HERC1: variants seen among roughly 807,000 people sequenced by gnomAD.
HERC1 encodes the protein probable E3 ubiquitin-protein ligase HERC1.
In HERC1, 160 loss-of-function variants were observed where a neutral mutation model predicts 554.3. The ratio of observed to expected loss-of-function variants is 0.29; its 90% confidence interval spans 0.25 to 0.33. HERC1 has a LOEUF of 0.33. Ranked by LOEUF, HERC1 falls within the 10% of genes least tolerant of loss-of-function variation. The probability of loss-of-function intolerance (pLI) is 1.00; values close to 1 mark genes in which losing one functional copy is unlikely to be tolerated. For missense variants in HERC1, 4,919 were observed against 5,918.5 expected (o/e 0.83, Z 5.54); for synonymous variants, 2,175 against 2,131.7 (o/e 1.02, Z -0.56).
Position 63,662,278 on chromosome 15 carries a change from A to C in HERC1, c.8902-257T>G, listed in dbSNP as rs535826964. ...AGTATCCTACTGAGAAGAGTTAATG[A>C]ACATGACAATCTGTCCTATCTCAAA... On this transcript the variant is annotated intron_variant, in intron 44 of 77. Coordinates refer to ENST00000443617, the MANE Select transcript of HERC1 (RefSeq NM_003922.4). Among the ~76,000 whole-genome samples the C allele has an allele frequency of 1.0e-3, 155 of 152,306 alleles. 2 individuals are homozygous for C. In the South Asian group the frequency reaches 0.027, roughly 27 times the overall value.
At chr15:63,634,559 T>C (rs1383111060) in intron 66 of HERC1, among the ~76,000 whole-genome samples, 174 bp downstream of exon 66, 1 of 152,224 alleles carries the variant, frequency 6.6e-6, no homozygotes, top group East Asian at 1.9e-4. Flanking sequence ...TTAAATTGAC[T>C]TAAAATATGA....
intron 1 of HERC1, among the ~76,000 whole-genome samples, chr15:63,829,380 G>A (rs556506896): frequency 2.0e-5 from 3 of 151,082 alleles, no homozygotes; most frequent in South Asian, 2.1e-4. Context: ...CTATGATCAC[G>A]CCACGGCACT....
At position 63,666,124 on chromosome 15, in the gene HERC1, T is replaced by C; in HGVS notation, c.8350A>G (p.Asn2784Asp). 1.2e-6 allele frequency: 2 copies of C among 1,613,688 alleles called. No individual in the cohort carries two copies. The highest frequency in any genetic ancestry group is 1.7e-6 in the Non-Finnish European group (2 of 1,179,722). Reference sequence around the variant, plus strand: ...ATCCACATGGCAAGGACAGTGATATTCTGGGCATCAGCCTCTCCCCTAGCA... The same window carrying C: ...ATCCACATGGCAAGGACAGTGATATCCTGGGCATCAGCCTCTCCCCTAGCA... ...TGARGEADAQ[N>D]ITVLAMWMIE... The change falls in exon 42 of 78, where the codon AAT becomes GAT. Residue 2784 changes from asparagine (N) to aspartate (D), a missense_variant. By Grantham distance (23) the Asn-to-Asp change is conservative. Coordinates refer to ENST00000443617, the MANE Select transcript of HERC1 (RefSeq NM_003922.4).
chr15:63,610,713 A>C (rs1478215878), intron 77 of HERC1, among the ~76,000 whole-genome samples: 2 of 152,248 alleles, frequency 1.3e-5, no homozygotes, highest in Admixed American at 6.5e-5. Context: ...AGGGAGGAAT[A>C]GCTTTGGCTA....
At chr15:63,759,434 GGC>G (rs1179684356) in intron 3 of HERC1, among the ~76,000 whole-genome samples, 1 of 152,144 alleles carries the variant, frequency 6.6e-6, no homozygotes, top group African/African-American at 2.4e-5. Flanking sequence ...GACCCAGAGT[GGC>G]CATCCCAGTA....
chr15:63,795,065 C>CAAAA (rs1177647525), intron 1 of HERC1, among the ~76,000 whole-genome samples: 707 of 68,816 alleles, frequency 0.01, 17 homozygotes, highest in Non-Finnish European at 0.013. Context: ...GACTCTGTCT[C>CAAAA]AAAAAAAAAA....
Position 63,612,627 on chromosome 15 carries a change from C to T in HERC1, c.14095-71G>A. On this transcript the variant is annotated intron_variant, in intron 76 of 77. Transcript: ENST00000443617. The surrounding 1 kb of genome is among the most constrained non-coding windows in gnomAD (Gnocchi z 5.0). ...GGCACCCACCAAGGGCCCTGTGGGG[C>T]TAGGCGCCTCCTGATGCCTGCTCGT... 1 of 1,475,972 alleles carries T rather than the reference C, an allele frequency of 6.8e-7. No homozygotes were observed. The highest frequency in any genetic ancestry group is 9.2e-7 in the Non-Finnish European group (1 of 1,084,812). 91.4% of individuals were successfully genotyped at this position (1,475,972 alleles called of 1,614,324 possible).
At chr15:63,776,231 G>A (rs1643301375) in intron 1 of HERC1, among the ~76,000 whole-genome samples, 1 of 151,890 alleles carries the variant, frequency 6.6e-6, no homozygotes, top group Non-Finnish European at 1.5e-5. Context: ...CCTCCACATG[G>A]CTATCTAACA....
intron 57 of HERC1, 52 bp from the exon 58 acceptor site, chr15:63,643,602 T>A: frequency 7.4e-7 from 1 of 1,352,110 alleles, no homozygotes; most frequent in Non-Finnish European, 1.0e-6. Context: ...ATTATATAAG[T>A]TCAAGATTTA....
In HERC1 at chr15:63,690,533, A is replaced by G. The variant is rs768082075; in HGVS notation, c.5937+8T>C. The G allele has an allele frequency of 6.3e-7, 1 of 1,576,868 alleles. No homozygotes were observed. Among genetic ancestry groups the G allele is most frequent in the Non-Finnish European group, 8.7e-7 (1 of 1,154,150 alleles). On this transcript the variant is annotated splice_region_variant and intron_variant, in intron 32 of 77. Transcript: ENST00000443617. ...AAAACATCTTCTAATAATTTTAAAA[A>G]TAAAAACCTGGGCCATTTGATCATC...
chr15:63,697,840 T>A (rs183813645), intron 26 of HERC1, among the ~76,000 whole-genome samples: 2 of 152,308 alleles, frequency 1.3e-5, no homozygotes, highest in Non-Finnish European at 2.9e-5. Context: ...AGCCTATTTG[T>A]TAGAAGCAAG....
intron 2 of HERC1, among the ~76,000 whole-genome samples, chr15:63,767,239 GCAAT>G (rs1479675488): frequency 6.6e-6 from 1 of 151,032 alleles, no homozygotes; most frequent in African/African-American, 2.4e-5. Flanking sequence ...CTGACCTCAG[GCAAT>G]CCACCCGTCT....
At chr15:63,828,183 T>C (rs1449334226) in intron 1 of HERC1, among the ~76,000 whole-genome samples, 1 of 152,124 alleles carries the variant, frequency 6.6e-6, no homozygotes, top group African/African-American at 2.4e-5. Flanking sequence ...CACCCACATA[T>C]ATTTTCATTT....
chr15:63,798,097 T>C (rs62020828), intron 1 of HERC1, among the ~76,000 whole-genome samples: 39,474 of 151,606 alleles, frequency 0.26, 5,648 homozygotes, highest in Middle Eastern at 0.38. Flanking sequence ...AAAGCACTTA[T>C]TTTAGAGAAG....
chr15:63,809,154 G>C (rs1455249479), intron 1 of HERC1, among the ~76,000 whole-genome samples: 1 of 152,174 alleles, frequency 6.6e-6, no homozygotes, highest in Non-Finnish European at 1.5e-5. Flanking sequence ...AAAAGAAATA[G>C]GGATGGAGGG....
chr15:63,740,836 ATC>A (rs2074768935), intron 12 of HERC1, among the ~76,000 whole-genome samples: 1 of 152,136 alleles, frequency 6.6e-6, no homozygotes, highest in African/African-American at 2.4e-5. Flanking sequence ...ACCTCATCAG[ATC>A]TATGACTTAC....
At chr15:63,830,886 G>A (rs1251264112) in intron 1 of HERC1, among the ~76,000 whole-genome samples, 1 of 152,072 alleles carries the variant, frequency 6.6e-6, no homozygotes, top group Non-Finnish European at 1.5e-5. Flanking sequence ...ATCGGATCTG[G>A]CATCTAGTAA....
chr15:63,830,879 G>A (rs914495852), intron 1 of HERC1, among the ~76,000 whole-genome samples: 3 of 152,074 alleles, frequency 2.0e-5, no homozygotes, highest in African/African-American at 7.2e-5. Context: ...CATGAAAATC[G>A]GATCTGGCAT....
intron 1 of HERC1, among the ~76,000 whole-genome samples, chr15:63,806,897 G>A (rs1373176333): frequency 1.4e-4 from 22 of 152,112 alleles, no homozygotes; most frequent in Non-Finnish European, 7.4e-5. Context: ...ACAGGCATGC[G>A]CCACCGCGCC....
Sources: allele counts gnomAD v4.1 joint callset (sites outside exome capture counted in the v4.1 genomes callset), GRCh38; gene constraint gnomAD v4.1.1; non-coding constraint Gnocchi (gnomAD v3.1); transcripts MANE v1.5; gene names NCBI Gene and HGNC (gene_info 2026-07-23, HGNC 2026-07-21).